TDRD10: variants seen among roughly 807,000 people sequenced by gnomAD.
TDRD10 encodes the protein tudor domain containing 10.
TDRD10 carries 40 observed loss-of-function variants against 48.0 expected under a neutral mutation model. The ratio of observed to expected loss-of-function variants is 0.83; its 90% confidence interval spans 0.65 to 1.09. The LOEUF (loss-of-function observed/expected upper bound fraction) is 1.09, where lower values mean the gene tolerates loss of function less well. TDRD10 is among the 50% of genes least tolerant of loss of function. The pLI is 0.00. For synonymous variants in TDRD10, 162 were observed against 170.4 expected, an observed-to-expected ratio of 0.95 and a Z score of 0.38; for missense variants, 378 against 434.7, an observed-to-expected ratio of 0.87 and a Z score of 1.16.
chr1:154,545,681 C>T (rs1488586107), intron 11 of TDRD10, among the ~76,000 whole-genome samples: 1 of 151,784 alleles, frequency 6.6e-6, no homozygotes, highest in Non-Finnish European at 1.5e-5. Flanking sequence ...CTCAAGCAAT[C>T]CTTCCACCTT....
chr1:154,512,949 T>C (rs1361440851), intron 4 of TDRD10, among the ~76,000 whole-genome samples: 2 of 152,140 alleles, frequency 1.3e-5, no homozygotes, highest in Non-Finnish European at 2.9e-5. Context: ...AGCAATGTGG[T>C]GTTTGAGATT....
chr1:154,519,608 A>T (rs959256968), intron 4 of TDRD10, among the ~76,000 whole-genome samples: 4 of 152,198 alleles, frequency 2.6e-5, no homozygotes, highest in Non-Finnish European at 4.4e-5. Context: ...AGCCTAGCGC[A>T]GGCAGTCAGG....
chr1:154,507,230 G>A lies in TDRD10; in HGVS notation c.3-11G>A. 2 of 1,613,982 alleles carry A rather than the reference G, an allele frequency of 1.2e-6. No homozygotes were observed. The highest frequency in any genetic ancestry group is 1.1e-5 in the South Asian group (1 of 91,056). ...CTTGGGAGGTTCGATGCTGACACCT[G>A]TGTTTGACAGGTCCTGGAACATTAG... On this transcript the variant is annotated splice_polypyrimidine_tract_variant and intron_variant, in intron 2 of 12. Coordinates refer to ENST00000368482, the MANE Select transcript of TDRD10 (RefSeq NM_182499.4).
chr1:154,510,002 C>G, intron 4 of TDRD10: 1 of 384,822 alleles, frequency 2.6e-6, no homozygotes, highest in Non-Finnish European at 3.6e-6. Context: ...CATCCTTGTC[C>G]CCTTCGCAGA....
intron 6 of TDRD10, 148 bp from the exon 7 acceptor site, chr1:154,541,876 C>G: frequency 1.5e-6 from 1 of 675,064 alleles, no homozygotes; most frequent in Non-Finnish European, 2.5e-6. Context: ...AGAGAGTGGA[C>G]GGATGTCTCA....
At chr1:154,530,396 TTC>T (rs1263101221) in intron 6 of TDRD10, among the ~76,000 whole-genome samples, 1 of 150,910 alleles carries the variant, frequency 6.6e-6, no homozygotes, top group African/African-American at 2.4e-5. Flanking sequence ...CATGGTTTCC[TTC>T]TTTTTTTTTT....
intron 6 of TDRD10, among the ~76,000 whole-genome samples, chr1:154,532,203 A>G (rs1694667889): frequency 6.6e-6 from 1 of 152,144 alleles, no homozygotes. Context: ...GGGGAGACTC[A>G]GGCATGGCGG....
chr1:154,532,374 G>A (rs568780807), intron 6 of TDRD10, among the ~76,000 whole-genome samples: 10 of 152,268 alleles, frequency 6.6e-5, no homozygotes, highest in Admixed American at 2.6e-4. Flanking sequence ...CTCTGAGTGC[G>A]GCCCGCAAAG....
intron 8 of TDRD10, among the ~76,000 whole-genome samples, chr1:154,543,344 C>T (rs935378707): frequency 2.6e-5 from 4 of 152,138 alleles, no homozygotes; most frequent in African/African-American, 4.8e-5. Flanking sequence ...GGCCTGTGAC[C>T]GTCCCCTGCC....
intron 4 of TDRD10, among the ~76,000 whole-genome samples, chr1:154,519,619 A>T (rs758350305): frequency 2.0e-5 from 3 of 152,154 alleles, no homozygotes; most frequent in Non-Finnish European, 2.9e-5. Flanking sequence ...GGCAGTCAGG[A>T]GGGAGTGGGC....
chr1:154,533,893 A>T (rs202002227), intron 6 of TDRD10, among the ~76,000 whole-genome samples: 28,040 of 103,136 alleles, frequency 0.27, 2,677 homozygotes, highest in Non-Finnish European at 0.29. Flanking sequence ...ATATATATAT[A>T]TTTTTTTTTA....
At chr1:154,543,891 G>A (rs1468480253) in intron 8 of TDRD10, 72 bp from the exon 9 acceptor site, 7 of 1,586,522 alleles carry the variant, frequency 4.4e-6, no homozygotes, top group Middle Eastern at 1.7e-4. Context: ...CAGGACAGGC[G>A]TTGGTCCAGT....
chr1:154,515,672 T>G lies in TDRD10; in HGVS notation c.142-4632T>G, dbSNP rs558644721. 1.8e-4 allele frequency among the ~76,000 whole-genome samples: 28 copies of G among 152,320 alleles called. No homozygotes were observed. In the East Asian group the frequency reaches 5.0e-3, roughly 27 times the overall value. ...CCTGTCCTTCCTGCTCTGTGTCTCC[T>G]TAATACTTTCCACCATCGAACTCAC... On this transcript the variant is annotated intron_variant, in intron 4 of 12. Coordinates refer to ENST00000368482, the MANE Select transcript of TDRD10 (RefSeq NM_182499.4).
intron 6 of TDRD10, among the ~76,000 whole-genome samples, chr1:154,534,826 C>A (rs1348512766): frequency 6.7e-6 from 1 of 150,358 alleles, no homozygotes; most frequent in African/African-American, 2.4e-5. Context: ...GCACAACACG[C>A]ATCCAGGCAG....
intron 6 of TDRD10, among the ~76,000 whole-genome samples, chr1:154,537,322 G>T (rs1259292814): frequency 6.6e-6 from 1 of 152,218 alleles, no homozygotes; most frequent in Non-Finnish European, 1.5e-5. Flanking sequence ...CGTGAGCTTT[G>T]TGGTGGCGTT....
chr1:154,542,623 C>T (rs1354618763), intron 7 of TDRD10, 108 bp from the exon 8 acceptor site: 2 of 785,870 alleles, frequency 2.5e-6, no homozygotes, highest in East Asian at 2.6e-5. Flanking sequence ...CTTCTTGGCC[C>T]ATTTTATGCT....
intron 4 of TDRD10, among the ~76,000 whole-genome samples, chr1:154,511,146 C>G (rs916242547): frequency 6.6e-6 from 1 of 151,918 alleles, no homozygotes; most frequent in African/African-American, 2.4e-5. Flanking sequence ...ATTTTGTCAC[C>G]CAGGCTGGAA....
At chr1:154,539,104 A>G (rs563169887) in intron 6 of TDRD10, among the ~76,000 whole-genome samples, 1 of 152,272 alleles carries the variant, frequency 6.6e-6, no homozygotes, top group South Asian at 2.1e-4. Flanking sequence ...TGGGGTCCAG[A>G]CAGCCTGACT....
At chr1:154,527,660 A>G (rs1694383709) in intron 6 of TDRD10, among the ~76,000 whole-genome samples, 1 of 152,202 alleles carries the variant, frequency 6.6e-6, no homozygotes, top group Admixed American at 6.5e-5. Flanking sequence ...AAAAAGATGG[A>G]TAAGTTAAAA....
Sources: allele counts gnomAD v4.1 joint callset (sites outside exome capture counted in the v4.1 genomes callset), GRCh38; gene constraint gnomAD v4.1.1; transcripts MANE v1.5; gene names NCBI Gene and HGNC (gene_info 2026-07-23, HGNC 2026-07-21).